Variants in GALNTL6 observed in about 807,000 individuals in gnomAD.
GALNTL6 encodes polypeptide N-acetylgalactosaminyltransferase like 6, also known as polypeptide N-acetylgalactosaminyltransferase-like 6.
A neutral mutation model predicts 73.7 loss-of-function variants in GALNTL6; 46 were observed. The ratio of observed to expected loss-of-function variants is 0.62; its 90% confidence interval spans 0.49 to 0.80. The LOEUF is 0.80. Among genes scored for constraint, GALNTL6 ranks in the 30% least tolerant of loss-of-function variants. The pLI is 0.00. For synonymous variants in GALNTL6, 259 were observed against 263.7 expected (o/e 0.98, Z 0.17); for missense variants, 604 against 755.0 (o/e 0.80, Z 2.34).
At chr4:172,389,402 C>T (rs1368230778) in intron 5 of GALNTL6, among the ~76,000 whole-genome samples, 1 of 151,766 alleles carries the variant, frequency 6.6e-6, no homozygotes, top group African/African-American at 2.4e-5. Flanking sequence ...TTGTTCTTTC[C>T]AAAGATTAAT....
chr4:171,863,807 C>T (rs1735901069), intron 2 of GALNTL6, among the ~76,000 whole-genome samples: 1 of 151,702 alleles, frequency 6.6e-6, no homozygotes, highest in South Asian at 2.1e-4. Context: ...GCCCAAGCTG[C>T]AGTGAAATGG....
At chr4:172,678,551 G>T (rs1198909678) in intron 5 of GALNTL6, among the ~76,000 whole-genome samples, 1 of 152,124 alleles carries the variant, frequency 6.6e-6, no homozygotes, top group East Asian at 1.9e-4. Context: ...CTCCATGTTG[G>T]TCAAGCTGGT....
intron 3 of GALNTL6, among the ~76,000 whole-genome samples, chr4:172,279,936 T>C (rs980010223): frequency 1.2e-4 from 18 of 152,286 alleles, no homozygotes; most frequent in Admixed American, 9.2e-4. Context: ...ACATTATGGA[T>C]ATAATTTGAG....
chr4:172,738,199 G>A (rs558433423), intron 5 of GALNTL6, among the ~76,000 whole-genome samples: 19 of 152,216 alleles, frequency 1.2e-4, no homozygotes, highest in Non-Finnish European at 1.9e-4. Flanking sequence ...TTCCAGTGTA[G>A]AAACCATGAG....
rs371754328 is a variant in GALNTL6, at chr4:171,982,390, T to C, written c.138+167672T>C. On this transcript the variant is annotated intron_variant, in intron 2 of 12. Transcript: ENST00000506823. The stretch of plus-strand genomic sequence containing the variant: ...TCGGCCCACTGCAAGCTCTGCCTCC[T>C]GGGTTCACGTCATTCTCCTGCTTCA... Among the ~76,000 whole-genome samples the C allele has an allele frequency of 1.8e-3, 280 of 152,184 alleles. 3 individuals are homozygous for C. The highest frequency in any genetic ancestry group is 3.5e-3 in the Admixed American group (54 of 15,292).
chr4:172,315,493 T>G (rs1740510548), intron 4 of GALNTL6, among the ~76,000 whole-genome samples: 1 of 152,104 alleles, frequency 6.6e-6, no homozygotes, highest in Non-Finnish European at 1.5e-5. Flanking sequence ...GACCTCAGTC[T>G]GCCTGCCTTG....
intron 7 of GALNTL6, among the ~76,000 whole-genome samples, chr4:172,854,410 A>G (rs539918975): frequency 6.6e-6 from 1 of 152,348 alleles, no homozygotes; most frequent in Non-Finnish European, 1.5e-5. Flanking sequence ...TTAAGCAAAT[A>G]TAAACCAAAG....
intron 2 of GALNTL6, among the ~76,000 whole-genome samples, chr4:172,087,580 G>A (rs1431012686): frequency 6.6e-6 from 1 of 151,920 alleles, no homozygotes; most frequent in East Asian, 1.9e-4. Flanking sequence ...GTGCAGAAAA[G>A]CATATGTAGT....
At chr4:172,863,706 C>A (rs1294277605) in intron 7 of GALNTL6, among the ~76,000 whole-genome samples, 1 of 152,138 alleles carries the variant, frequency 6.6e-6, no homozygotes, top group Non-Finnish European at 1.5e-5. Context: ...TGAGTTAATG[C>A]TGTGAACTGT....
intron 2 of GALNTL6, among the ~76,000 whole-genome samples, chr4:172,176,724 G>A (rs75029835): frequency 0.032 from 4,894 of 152,170 alleles, 115 homozygotes; most frequent in Non-Finnish European, 0.052. Flanking sequence ...AGGAGTTGGA[G>A]GTTACAGTGA....
chr4:172,500,436 C>T (rs1460575527), intron 5 of GALNTL6, among the ~76,000 whole-genome samples: 1 of 152,020 alleles, frequency 6.6e-6, no homozygotes, highest in African/African-American at 2.4e-5. Context: ...AAAACAAAAC[C>T]TCTGAAAACT....
intron 5 of GALNTL6, among the ~76,000 whole-genome samples, chr4:172,797,254 TC>T (rs1305240411): frequency 1.1e-4 from 16 of 152,092 alleles, no homozygotes; most frequent in Non-Finnish European, 2.4e-4. Context: ...TTTTTGTTTT[TC>T]TTTTTTTTTT....
At chr4:172,904,619 T>C (rs1746790225) in intron 8 of GALNTL6, among the ~76,000 whole-genome samples, 1 of 152,164 alleles carries the variant, frequency 6.6e-6, no homozygotes. Flanking sequence ...GTTGGTCCTC[T>C]CCTTTGCCCC....
intron 2 of GALNTL6, among the ~76,000 whole-genome samples, chr4:171,981,226 G>C (rs1404704172): frequency 6.6e-6 from 1 of 152,192 alleles, no homozygotes; most frequent in Admixed American, 6.5e-5. Context: ...CTGGATTCCA[G>C]ATAGATAAGC....
intron 3 of GALNTL6, among the ~76,000 whole-genome samples, chr4:172,252,760 C>A (rs1249785496): frequency 6.6e-6 from 1 of 151,876 alleles, no homozygotes; most frequent in Non-Finnish European, 1.5e-5. Flanking sequence ...CTCAATGTAA[C>A]ATCTTCTTAG....
At chr4:172,835,300 C>T (rs181125571) in intron 7 of GALNTL6, among the ~76,000 whole-genome samples, 23 of 152,358 alleles carry the variant, frequency 1.5e-4, no homozygotes, top group African/African-American at 4.6e-4. Context: ...GAGAGAACTC[C>T]AGCTGGGAAT....
intron 5 of GALNTL6, among the ~76,000 whole-genome samples, chr4:172,645,967 T>C (rs1056947324): frequency 6.6e-6 from 1 of 151,974 alleles, no homozygotes. Flanking sequence ...CATGAGGGTC[T>C]TATGACCAGT....
At chr4:172,832,600 A>G (rs1434094119) in intron 7 of GALNTL6, among the ~76,000 whole-genome samples, 4 of 152,286 alleles carry the variant, frequency 2.6e-5, no homozygotes, top group African/African-American at 7.2e-5. Context: ...GAAGAGCAGA[A>G]TGACCTTGGG....
chr4:172,786,631 G>A (rs980348540), intron 5 of GALNTL6, among the ~76,000 whole-genome samples: 5 of 152,022 alleles, frequency 3.3e-5, no homozygotes, highest in African/African-American at 7.2e-5. Context: ...AAACTGTCAC[G>A]GCCAAGTCCC....
Sources: allele counts gnomAD v4.1 joint callset (sites outside exome capture counted in the v4.1 genomes callset), GRCh38; gene constraint gnomAD v4.1.1; transcripts MANE v1.5; gene names NCBI Gene and HGNC (gene_info 2026-07-23, HGNC 2026-07-21).